The following R3HDM1 variants were observed in gnomAD, a reference collection of about 807,000 sequenced individuals.
The protein encoded by R3HDM1 is R3H domain-containing protein 1.
A neutral mutation model predicts 141.1 loss-of-function variants in R3HDM1; 46 were observed. The observed-to-expected ratio is 0.33, with a 90% confidence interval of 0.26 to 0.42. R3HDM1 has a LOEUF of 0.42. Among genes scored for constraint, R3HDM1 ranks in the 10% least tolerant of loss-of-function variants. The pLI, the probability that R3HDM1 is intolerant of heterozygous loss-of-function variation, is 1.00. For synonymous variants in R3HDM1, 435 were observed against 472.9 expected (o/e 0.92, Z 1.04); for missense variants, 1,184 against 1,368.3 (o/e 0.87, Z 2.12).
At chr2:135,681,947 A>C (rs313519) in intron 21 of R3HDM1, among the ~76,000 whole-genome samples, 75,736 of 151,244 alleles carry the variant, frequency 0.5, 24,106 homozygotes, top group East Asian at 0.88. Flanking sequence ...AACTGCTACA[A>C]AATGAAAATA....
intron 1 of R3HDM1, among the ~76,000 whole-genome samples, chr2:135,563,241 T>C (rs1446607331): frequency 6.6e-6 from 1 of 152,258 alleles, no homozygotes; most frequent in Non-Finnish European, 1.5e-5. Flanking sequence ...CCATATAATA[T>C]AATTTTTGCT....
At chr2:135,705,029 A>G (rs753854699) in intron 21 of R3HDM1, among the ~76,000 whole-genome samples, 3 of 152,214 alleles carry the variant, frequency 2.0e-5, no homozygotes, top group Non-Finnish European at 4.4e-5. Context: ...TGTGACTGTT[A>G]TTAAGGTCCA....
chr2:135,702,826 TA>T (rs2074416300), intron 21 of R3HDM1, among the ~76,000 whole-genome samples: 3 of 151,738 alleles, frequency 2.0e-5, no homozygotes, highest in South Asian at 4.2e-4. Flanking sequence ...AAGAAAAACA[TA>T]TAGAGTAAAG....
intron 19 of R3HDM1, among the ~76,000 whole-genome samples, chr2:135,666,422 C>G (rs2067504087): frequency 6.6e-6 from 1 of 152,106 alleles, no homozygotes; most frequent in Non-Finnish European, 1.5e-5. Flanking sequence ...TCATTGATTT[C>G]TGTGAGCATT....
intron 1 of R3HDM1, among the ~76,000 whole-genome samples, chr2:135,577,698 C>T (rs1198283195): frequency 1.3e-5 from 2 of 151,630 alleles, no homozygotes; most frequent in African/African-American, 4.8e-5. Context: ...ATTAGCCAGG[C>T]GTGGTGGTGG....
chr2:135,647,687 C>T (rs916801683), intron 16 of R3HDM1, among the ~76,000 whole-genome samples: 5 of 152,176 alleles, frequency 3.3e-5, no homozygotes, highest in Non-Finnish European at 5.9e-5. Flanking sequence ...TTTGCACAAT[C>T]TGAAATAATT....
intron 19 of R3HDM1, among the ~76,000 whole-genome samples, chr2:135,674,213 A>G (rs919150855): frequency 7.9e-5 from 12 of 152,244 alleles, no homozygotes; most frequent in African/African-American, 2.7e-4. Context: ...AGACAACTAC[A>G]GTGATGCTGC....
rs2076999130 is a variant in R3HDM1 at position 135,724,458 on chromosome 2, ATG to A, written c.*167_*168del. 1.8e-5 allele frequency: 10 copies of A among 557,500 alleles called. No individual in the cohort carries two copies. Among genetic ancestry groups the A allele is most frequent in the Middle Eastern group, 3.4e-4 (1 of 2,960 alleles). The allele number at this position is 557,500 out of a possible 1,614,324, so 34.5% of individuals were successfully genotyped here. ...AGTGATCCAGCAAAGGGGGAAAAAT[ATG>A]CATTTCACCCCACATGACTAGGAAT... On this transcript the variant is annotated 3_prime_UTR_variant, in exon 27 of 27. Coordinates refer to ENST00000683871, the MANE Select transcript of R3HDM1 (RefSeq NM_001378107.1).
intron 17 of R3HDM1, chr2:135,651,028 T>C (rs2065096551): frequency 1.0e-5 from 10 of 985,272 alleles, no homozygotes; most frequent in African/African-American, 3.5e-5. Context: ...ATTAGAGAAA[T>C]GTTTGTCAGA....
At chr2:135,616,391 TATCTGTAGAG>T (rs958379344) in intron 4 of R3HDM1, among the ~76,000 whole-genome samples, 198 bp downstream of exon 4, 1 of 152,240 alleles carries the variant, frequency 6.6e-6, no homozygotes, top group African/African-American at 2.4e-5. Flanking sequence ...GATGGTTCTT[TATCTGTAGAG>T]AAAATCGCTT....
In R3HDM1 at chr2:135,537,150, A is replaced by C. The variant is rs185515196; in HGVS notation, c.-250+5517A>C. On this transcript the variant is annotated intron_variant, in intron 1 of 26. Coordinates refer to ENST00000683871, the MANE Select transcript of R3HDM1 (RefSeq NM_001378107.1). ...GATTTACTTTGTTACCTTGCCCCTC[A>C]GTGGGGAGAGAAGCTCTGGAATTTA... Among the ~76,000 whole-genome samples, 68 of 148,422 alleles carry C rather than the reference A, an allele frequency of 4.6e-4. No individual in the cohort carries two copies. The East Asian group carries it at 9.6e-3, about 21-fold the overall frequency.
At chr2:135,664,246 C>T (rs1265184656) in intron 19 of R3HDM1, among the ~76,000 whole-genome samples, 2 of 152,114 alleles carry the variant, frequency 1.3e-5, no homozygotes, top group Non-Finnish European at 2.9e-5. Context: ...TACCTCTCTA[C>T]ATTCTACTAT....
At chr2:135,622,843 T>C in intron 7 of R3HDM1, 111 bp downstream of exon 7, 1 of 1,347,036 alleles carries the variant, frequency 7.4e-7, no homozygotes, top group Non-Finnish European at 9.6e-7. Flanking sequence ...ATATTTGAAG[T>C]ACACCAGAAA....
chr2:135,675,307 G>A (rs768754512), intron 19 of R3HDM1, 25 bp from the exon 20 acceptor site: 1 of 1,595,548 alleles, frequency 6.3e-7, no homozygotes, highest in African/African-American at 1.3e-5. Context: ...TTCAGAGCAG[G>A]ATTTAACTCA....
intron 21 of R3HDM1, among the ~76,000 whole-genome samples, chr2:135,704,805 C>G (rs2074688184): frequency 6.6e-6 from 1 of 152,078 alleles, no homozygotes; most frequent in South Asian, 2.1e-4. Flanking sequence ...ATATATTTCA[C>G]TTATTGGTCA....
In R3HDM1 at chr2:135,569,730, TTG is replaced by T. The variant is rs745966868; in HGVS notation, c.-249-32768_-249-32767del. On this transcript the variant is annotated intron_variant, in intron 1 of 26. Transcript: ENST00000683871. ...CATATAGTAAGCTCTTTTTTTTTTGTTGTTGTTTTTTTTGGAGAGGGAGTCTC... is the reference window on the plus strand; with the variant it reads ...CATATAGTAAGCTCTTTTTTTTTTGTTTGTTTTTTTTGGAGAGGGAGTCTC... Among the ~76,000 whole-genome samples the T allele has an allele frequency of 2.4e-3, 309 of 128,322 alleles. 5 individuals carry two copies. Among genetic ancestry groups the T allele is most frequent in the South Asian group, 7.8e-3 (29 of 3,708 alleles). 84.2% of individuals were successfully genotyped at this position (128,322 alleles called of 152,430 possible). A position where few individuals can be genotyped will look rare whatever the true frequency, so the allele number is the denominator to read the frequency against.
intron 7 of R3HDM1, chr2:135,623,125 C>G: frequency 6.0e-6 from 5 of 827,580 alleles, no homozygotes; most frequent in Non-Finnish European, 7.3e-6. Flanking sequence ...TTTGTTCCTT[C>G]TTGCTGAGTT....
At chr2:135,531,887 G>T (rs1234172144) in intron 1 of R3HDM1, among the ~76,000 whole-genome samples, 1 of 152,186 alleles carries the variant, frequency 6.6e-6, no homozygotes, top group Non-Finnish European at 1.5e-5. Flanking sequence ...CTGCGGCTCC[G>T]GCTGCAGCTG....
chr2:135,690,361 G>T (rs766796973), intron 21 of R3HDM1, among the ~76,000 whole-genome samples: 2 of 152,150 alleles, frequency 1.3e-5, no homozygotes, highest in African/African-American at 2.4e-5. Context: ...TAACAGCTTA[G>T]AGAAATAAAA....
Sources: gnomAD v4.1 joint callset for allele counts (sites outside exome capture counted in the v4.1 genomes callset) on GRCh38, gnomAD v4.1.1 for gene constraint, MANE v1.5 for transcripts, NCBI Gene and HGNC (gene_info 2026-07-23, HGNC 2026-07-21) for gene names.